GRB14: variants seen among roughly 807,000 people sequenced by gnomAD.
The protein encoded by GRB14 is growth factor receptor-bound protein 14.
Under a neutral mutation model 69.1 loss-of-function variants are expected in GRB14, and 38 were observed. The ratio of observed to expected loss-of-function variants is 0.55; its 90% CI spans 0.42 to 0.72. GRB14 has a LOEUF of 0.72. Among genes scored for constraint, GRB14 ranks in the 30% least tolerant of loss-of-function variants. The pLI, the probability that GRB14 is intolerant of heterozygous loss-of-function variation, is 0.00. For synonymous variants in GRB14, 247 were observed against 241.3 expected, an observed-to-expected ratio of 1.02 and a Z score of -0.22; for missense variants, 666 against 666.1, an observed-to-expected ratio of 1.00 and a Z score of 0.00.
chr2:164,583,130 T>C (rs1168438829), intron 2 of GRB14, among the ~76,000 whole-genome samples: 2 of 152,198 alleles, frequency 1.3e-5, no homozygotes, highest in Non-Finnish European at 2.9e-5. Flanking sequence ...CAACCTCTTC[T>C]CTCAACTTTC....
At chr2:164,619,923 G>A (rs1252405151) in intron 1 of GRB14, 104 bp from the exon 2 acceptor site, 2 of 881,530 alleles carry the variant, frequency 2.3e-6, no homozygotes, top group East Asian at 5.0e-5. Flanking sequence ...ACCACTCTGT[G>A]ACAAGGCTCA....
Position 164,502,353 on chromosome 2 carries a change from A to G in GRB14, c.1024-18T>C, listed in dbSNP as rs2105260342. On this transcript the variant is annotated intron_variant, in intron 8 of 13. Coordinates refer to ENST00000263915, the MANE Select transcript of GRB14 (RefSeq NM_004490.3). ...ATGCCATACTGCAGAATAAATAAAT[A>G]AAACACATTCCCACCACTTTTACTA... 2 of 1,338,618 alleles carry G rather than the reference A, an allele frequency of 1.5e-6. No individual in the cohort carries two copies. The highest frequency in any genetic ancestry group is 2.3e-5 in the East Asian group (1 of 43,550). 82.9% of individuals were successfully genotyped at this position (1,338,618 alleles called of 1,614,324 possible).
intron 2 of GRB14, among the ~76,000 whole-genome samples, chr2:164,608,035 A>ATTC (rs1431940155): frequency 5.3e-5 from 8 of 152,214 alleles, no homozygotes; most frequent in African/African-American, 1.7e-4. Context: ...AATCAGACTT[A>ATTC]TATTTTATCA....
chr2:164,586,541 T>C (rs890862759), intron 2 of GRB14, among the ~76,000 whole-genome samples: 5 of 152,160 alleles, frequency 3.3e-5, no homozygotes, highest in African/African-American at 4.8e-5. Context: ...ACATTATGTG[T>C]CCCCTTTCCA....
chr2:164,593,240 C>A (rs916542364), intron 2 of GRB14, among the ~76,000 whole-genome samples: 1 of 152,026 alleles, frequency 6.6e-6, no homozygotes, highest in Non-Finnish European at 1.5e-5. Flanking sequence ...AATATGAGAA[C>A]AGGAGCAAGA....
At chr2:164,603,493 G>A (rs981169199) in intron 2 of GRB14, among the ~76,000 whole-genome samples, 4 of 151,738 alleles carry the variant, frequency 2.6e-5, no homozygotes, top group Admixed American at 6.6e-5. Context: ...GTGAAACCCC[G>A]TCTCTGCTAA....
At chr2:164,599,155 G>A (rs751512383) in intron 2 of GRB14, among the ~76,000 whole-genome samples, 7 of 152,138 alleles carry the variant, frequency 4.6e-5, no homozygotes, top group Non-Finnish European at 8.8e-5. Context: ...ATCTACACAT[G>A]GCTTCTCCAG....
intron 2 of GRB14, among the ~76,000 whole-genome samples, chr2:164,607,472 G>T (rs1381423929): frequency 2.0e-5 from 3 of 152,222 alleles, no homozygotes; most frequent in African/African-American, 7.2e-5. Flanking sequence ...ACACATGTCA[G>T]ATAATAATAA....
chr2:164,495,683 G>C (rs995229020), intron 12 of GRB14, among the ~76,000 whole-genome samples: 3 of 152,198 alleles, frequency 2.0e-5, no homozygotes, highest in Non-Finnish European at 2.9e-5. Flanking sequence ...GATGTCTGAC[G>C]AGTTTATCCA....
intron 2 of GRB14, among the ~76,000 whole-genome samples, chr2:164,605,205 T>C (rs1272007885): frequency 6.6e-6 from 1 of 151,844 alleles, no homozygotes; most frequent in East Asian, 1.9e-4. Context: ...AATCCAAGAG[T>C]TGTTCTTCCC....
At chr2:164,583,920 T>C (rs759246672) in intron 2 of GRB14, among the ~76,000 whole-genome samples, 19 of 152,018 alleles carry the variant, frequency 1.2e-4, no homozygotes, top group African/African-American at 4.3e-4. Flanking sequence ...TTGACACAAT[T>C]AGGTGACCTC....
At chr2:164,570,842 C>A (rs1199025141) in intron 2 of GRB14, among the ~76,000 whole-genome samples, 1 of 152,020 alleles carries the variant, frequency 6.6e-6, no homozygotes, top group Non-Finnish European at 1.5e-5. Flanking sequence ...ATATACATGC[C>A]CTAAAAGGGC....
chr2:164,581,839 T>A (rs112123887), intron 2 of GRB14, among the ~76,000 whole-genome samples: 10 of 152,314 alleles, frequency 6.6e-5, no homozygotes, highest in African/African-American at 2.2e-4. Flanking sequence ...TTTATACATA[T>A]TCAAGCCCCT....
rs746207026 is a variant in GRB14 at position 164,497,354 on chromosome 2, G to A, written c.1221+20C>T. ...AAACTGAAATCATAAATATTTTGAAGCATGTGAAGCTACTTGTACCCTCCA... is the reference window on the plus strand; with the variant it reads ...AAACTGAAATCATAAATATTTTGAAACATGTGAAGCTACTTGTACCCTCCA... On this transcript the variant is annotated intron_variant, in intron 10 of 13. Transcript: ENST00000263915. 2.2e-5 allele frequency: 36 copies of A among 1,600,916 alleles called. No homozygotes were observed. The highest frequency in any genetic ancestry group is 3.0e-5 in the Non-Finnish European group (35 of 1,171,302).
chr2:164,493,889 C>T (rs1334779519), intron 13 of GRB14, among the ~76,000 whole-genome samples: 1 of 152,110 alleles, frequency 6.6e-6, no homozygotes, highest in African/African-American at 2.4e-5. Flanking sequence ...CATACATGCA[C>T]ACCCACACAG....
chr2:164,619,814 T>C lies in GRB14; in HGVS notation c.197A>G (p.Lys66Arg), dbSNP rs1279476758. Reference protein sequence around the residue: ...GTRGCAADRRKKKDLDVPEMP... With the variant: ...GTRGCAADRRRKKDLDVPEMP... ...TTCCGGAACATCAAGATCTTTCTTT[T>C]TTCTCCTACAGTAAGAGAACATAGG... The change falls in exon 2 of 14, where the codon AAA becomes AGA. Residue 66 changes from lysine (K) to arginine (R), a missense_variant. Transcript: ENST00000263915. 8 of 1,606,366 alleles carry C rather than the reference T, an allele frequency of 5.0e-6. No individual in the cohort carries two copies. The highest frequency in any genetic ancestry group is 6.8e-6 in the Non-Finnish European group (8 of 1,175,954).
chr2:164,617,056 T>C (rs1690315352), intron 2 of GRB14, among the ~76,000 whole-genome samples: 2 of 152,210 alleles, frequency 1.3e-5, no homozygotes, highest in South Asian at 2.1e-4. Flanking sequence ...TGAGTGTGTA[T>C]AAAGAAACTA....
rs1174336710 is a variant in GRB14 at position 164,527,085 on chromosome 2, C to T, written c.532G>A (p.Gly178Arg). 6.3e-7 allele frequency: 1 copy of T among 1,581,108 alleles called. No individual in the cohort carries two copies. Among genetic ancestry groups the T allele is most frequent in the Non-Finnish European group, 8.7e-7 (1 of 1,153,750 alleles). Residue 178 changes from glycine to arginine, a missense_variant, in exon 4 of 14, where the codon GGG becomes AGG. Transcript: ENST00000263915. ...ELVIEVLSNWGIEEENKLYFR... is the reference protein window; with the variant it reads ...ELVIEVLSNWRIEEENKLYFR... ...TATAGTTTGTTTTCTTCTTCTATCC[C>T]CCAGTTGGATAGCACTTCAATCACC... is the stretch of plus-strand genomic sequence containing the variant.
At chr2:164,554,402 A>G (rs1282786762) in intron 2 of GRB14, among the ~76,000 whole-genome samples, 1 of 152,210 alleles carries the variant, frequency 6.6e-6, no homozygotes, top group Non-Finnish European at 1.5e-5. Context: ...GGATGCCAAC[A>G]GGAAGAAATT....
Sources: allele counts gnomAD v4.1 joint callset (sites outside exome capture counted in the v4.1 genomes callset), GRCh38; gene constraint gnomAD v4.1.1; transcripts MANE v1.5; gene names NCBI Gene and HGNC (gene_info 2026-07-23, HGNC 2026-07-21).